The following SMYD4 variants were observed in gnomAD, a reference collection of about 807,000 sequenced individuals.
SMYD4 encodes the protein protein-lysine N-methyltransferase SMYD4.
Under a neutral mutation model 72.8 loss-of-function variants are expected in SMYD4, and 68 were observed. The observed-to-expected ratio is 0.93, with a 90% CI of 0.77 to 1.14. The LOEUF (loss-of-function observed/expected upper bound fraction) is 1.14. Among genes scored for constraint, SMYD4 ranks in the 50% most tolerant of loss-of-function variants. The pLI is 0.00. For missense variants in SMYD4, 984 were observed against 1,003.7 expected (o/e 0.98, Z 0.27); for synonymous variants, 407 against 388.6 (o/e 1.05, Z -0.56).
intron 5 of SMYD4, among the ~76,000 whole-genome samples, chr17:1,798,212 C>T (rs1217287061): frequency 6.6e-6 from 1 of 151,424 alleles, no homozygotes; most frequent in Admixed American, 6.6e-5. Context: ...CTCACTGCAA[C>T]CTCTGCCTCC....
chr17:1,803,144 AAAAACAAAAC>A (rs559465185), intron 4 of SMYD4, among the ~76,000 whole-genome samples: 6 of 152,196 alleles, frequency 3.9e-5, no homozygotes, highest in African/African-American at 1.4e-4. Context: ...ACTGTCTCAA[AAAAACAAAAC>A]AAAACAAAAC....
At chr17:1,782,573 T>C (rs902644942) in intron 10 of SMYD4, 1 of 151,924 alleles carries the variant, frequency 6.6e-6, no homozygotes, top group African/African-American at 2.4e-5. Context: ...AGGAAGAGGA[T>C]GCAGAGTAGG....
At chr17:1,795,317 GCTAT>G (rs937242207) in intron 5 of SMYD4, among the ~76,000 whole-genome samples, 7 of 151,460 alleles carry the variant, frequency 4.6e-5, no homozygotes, top group South Asian at 2.1e-4. Flanking sequence ...TGTCGCCCTG[GCTAT>G]CTATCTATCT....
At chr17:1,815,294 C>A (rs1910531172) in intron 2 of SMYD4, among the ~76,000 whole-genome samples, 1 of 152,058 alleles carries the variant, frequency 6.6e-6, no homozygotes, top group Admixed American at 6.6e-5. Flanking sequence ...CAACTCCTAA[C>A]CTCATGATCC....
At chr17:1,794,107 T>TATATATA (rs1597374369) in intron 5 of SMYD4, among the ~76,000 whole-genome samples, 1 of 10,252 alleles carries the variant, frequency 9.8e-5, no homozygotes, top group Non-Finnish European at 1.9e-4. Flanking sequence ...ATATATATAT[T>TATATATA]TTTTTTTTTT....
intron 3 of SMYD4, among the ~76,000 whole-genome samples, chr17:1,810,714 C>A (rs1212210604): frequency 1.3e-5 from 2 of 152,224 alleles, no homozygotes; most frequent in Non-Finnish European, 2.9e-5. Flanking sequence ...TTTGCCACGC[C>A]CCCCAGCCTG....
At chr17:1,825,248 A>C (rs562682273) in intron 2 of SMYD4, among the ~76,000 whole-genome samples, 6 of 152,322 alleles carry the variant, frequency 3.9e-5, no homozygotes, top group African/African-American at 1.4e-4. Context: ...AAAAGTGAGA[A>C]TATTCCTTCA....
chr17:1,786,796 G>A lies in SMYD4; in HGVS notation c.1884+14C>T, dbSNP rs762414431. On this transcript the variant is annotated intron_variant, in intron 7 of 10. Coordinates refer to ENST00000305513, the MANE Select transcript of SMYD4 (RefSeq NM_052928.3). ...ACCTCCAGGAAAAGTGGAGGAGACA[G>A]AAGAGAGAATTACCTGCATGGGCGC... 1.2e-6 allele frequency: 2 copies of A among 1,614,026 alleles called. No homozygotes were observed. Among genetic ancestry groups the A allele is most frequent in the South Asian group, 2.2e-5 (2 of 91,076 alleles).
At chr17:1,817,184 C>T (rs146537607) in intron 2 of SMYD4, among the ~76,000 whole-genome samples, 2,816 of 151,960 alleles carry the variant, frequency 0.019, 90 homozygotes, top group African/African-American at 0.063. Context: ...ATTACAGGCA[C>T]GCACCACCAC....
At chr17:1,790,765 T>C (rs1315420052) in intron 5 of SMYD4, among the ~76,000 whole-genome samples, 1 of 151,704 alleles carries the variant, frequency 6.6e-6, no homozygotes, top group Admixed American at 6.6e-5. Flanking sequence ...TCCACCCACC[T>C]TGGCCTCCCA....
chr17:1,800,917 C>A lies in SMYD4; in HGVS notation c.477G>T (p.Leu159=). 1 of 1,614,218 alleles carries A rather than the reference C, an allele frequency of 6.2e-7. No homozygotes were observed. Among genetic ancestry groups the A allele is most frequent in the Non-Finnish European group, 8.5e-7 (1 of 1,180,042 alleles). ...CACTGATGGTCTGGCTTGCCTCCTGCAGTCTCCCCAGGGCCACCAGACATT... is the reference window on the plus strand; with the variant it reads ...CACTGATGGTCTGGCTTGCCTCCTGAAGTCTCCCCAGGGCCACCAGACATT... The part of the protein sequence containing the change: ...KAECLVALGR[L]QEASQTISDL... Residue 159 remains leucine, a synonymous_variant, in exon 5 of 11, where the codon CTG becomes CTT. Transcript: ENST00000305513.
chr17:1,793,037 A>G (rs1171300730), intron 5 of SMYD4, among the ~76,000 whole-genome samples: 1 of 151,594 alleles, frequency 6.6e-6, no homozygotes, highest in Non-Finnish European at 1.5e-5. Context: ...CCCACCTCAG[A>G]CTCCCGGGTA....
Position 1,804,721 on chromosome 17 carries a change from A to C in SMYD4, c.280-6T>G. ...GGCCTTGAATGTGACACTCCCTGCAAAACAATGAACTGGTTAAAAGTATAA... is the reference window on the plus strand; with the variant it reads ...GGCCTTGAATGTGACACTCCCTGCACAACAATGAACTGGTTAAAAGTATAA... On this transcript the variant is annotated splice_region_variant and splice_polypyrimidine_tract_variant and intron_variant, in intron 3 of 10. Coordinates refer to ENST00000305513, the MANE Select transcript of SMYD4 (RefSeq NM_052928.3). 6.2e-7 allele frequency: 1 copy of C among 1,612,710 alleles called. No homozygotes were observed. The highest frequency in any genetic ancestry group is 1.1e-5 in the South Asian group (1 of 91,060).
At chr17:1,825,726 C>T (rs576162263) in intron 2 of SMYD4, among the ~76,000 whole-genome samples, 6 of 151,830 alleles carry the variant, frequency 4.0e-5, no homozygotes, top group South Asian at 4.2e-4. Context: ...GTTGCCCAGG[C>T]TCCTGGGCTC....
Position 1,784,340 on chromosome 17 carries a change from C to CT in SMYD4, c.2005dup (p.Arg669LysfsTer4), listed in dbSNP as rs1908532408. On this transcript the variant is annotated frameshift_variant, in exon 8 of 11. Transcript: ENST00000305513. LOFTEE classifies it high-confidence loss of function. ...GCCAGTCTCACCTAGTTCACCATCT[C>CT]TGAGAAGCTTCTGGGCCACTCTGAC... The CT allele has an allele frequency of 6.2e-7, 1 of 1,614,118 alleles. No individual in the cohort carries two copies. The highest frequency in any genetic ancestry group is 1.3e-5 in the African/African-American group (1 of 74,944).
At chr17:1,797,572 A>G (rs1036974083) in intron 5 of SMYD4, among the ~76,000 whole-genome samples, 4 of 152,208 alleles carry the variant, frequency 2.6e-5, no homozygotes, top group African/African-American at 9.7e-5. Context: ...CCACCTGATC[A>G]AAGGACAGGC....
At chr17:1,812,634 C>T (rs1000281204) in intron 2 of SMYD4, among the ~76,000 whole-genome samples, 2 of 148,452 alleles carry the variant, frequency 1.3e-5, no homozygotes, top group African/African-American at 5.0e-5. Context: ...CTGCAACCTC[C>T]GCCTCCCTGG....
Position 1,800,161 on chromosome 17 carries a change from T to A in SMYD4, c.1233A>T (p.Gly411=). The change falls in exon 5 of 11, where the codon GGA becomes GGT. Residue 411 remains glycine, a synonymous_variant. Transcript: ENST00000305513. ...TTTCATACTTCCCATTAATATCGCA[T>A]CCAGGAATTGGGGTCTCAACGATGT... is the stretch of plus-strand genomic sequence containing the variant. ...NGNIVETPIP[G]CDINGKYENN... 6.2e-7 allele frequency: 1 copy of A among 1,610,856 alleles called. No individual in the cohort carries two copies. The highest frequency in any genetic ancestry group is 8.5e-7 in the Non-Finnish European group (1 of 1,177,898).
At chr17:1,814,131 C>A (rs1265840205) in intron 2 of SMYD4, among the ~76,000 whole-genome samples, 2 of 151,908 alleles carry the variant, frequency 1.3e-5, no homozygotes, top group East Asian at 3.9e-4. Flanking sequence ...ATGGGAAGAC[C>A]CTGTCTCTAC....
Sources: allele counts gnomAD v4.1 joint callset (sites outside exome capture counted in the v4.1 genomes callset), GRCh38; gene constraint gnomAD v4.1.1; transcripts MANE v1.5; gene names NCBI Gene and HGNC (gene_info 2026-07-23, HGNC 2026-07-21).